Variants in FCRL2 observed in about 807,000 individuals in gnomAD.
FCRL2 encodes the protein Fc receptor-like protein 2.
FCRL2 carries 48 observed loss-of-function variants against 59.8 expected under a neutral mutation model. That is an observed-to-expected ratio of 0.80 (90% CI 0.64 to 1.02). The LOEUF is 1.02. FCRL2 is among the 50% of genes least tolerant of loss of function. The probability of loss-of-function intolerance (pLI) is 0.00; values close to 1 mark genes in which losing one functional copy is unlikely to be tolerated. For synonymous variants in FCRL2, 251 were observed against 229.5 expected (o/e 1.09, Z -0.85); for missense variants, 658 against 597.3 (o/e 1.10, Z -1.06).
chr1:157,766,800 A>G (rs751237954), intron 7 of FCRL2, 55 bp downstream of exon 7: 41 of 1,605,104 alleles, frequency 2.6e-5, no homozygotes, highest in South Asian at 2.3e-5. Context: ...TTCAATCTAT[A>G]TCAGTAGTGG....
intron 7 of FCRL2, among the ~76,000 whole-genome samples, chr1:157,760,704 A>AAAGAAATAAAGAAAG (rs1347014351): frequency 3.4e-5 from 3 of 89,012 alleles, no homozygotes; most frequent in African/African-American, 1.6e-4. Context: ...AGAAGGAAAG[A>AAAGAAATAAAGAAAG]AAGAAAGAAA....
chr1:157,761,611 C>G (rs569832654), intron 7 of FCRL2, among the ~76,000 whole-genome samples: 3 of 151,706 alleles, frequency 2.0e-5, no homozygotes, highest in Non-Finnish European at 4.4e-5. Flanking sequence ...CTTGTCTCCC[C>G]CAAAAGGCAC....
intron 10 of FCRL2, among the ~76,000 whole-genome samples, 196 bp downstream of exon 10, chr1:157,748,357 A>G (rs935665898): frequency 9.2e-5 from 14 of 152,144 alleles, no homozygotes; most frequent in African/African-American, 2.9e-4. Context: ...TCACAGGCAG[A>G]GATTGCAGTG....
At chr1:157,775,730 C>T (rs747534106) in intron 2 of FCRL2, 45 bp downstream of exon 2, 3 of 1,611,320 alleles carry the variant, frequency 1.9e-6, no homozygotes, top group African/African-American at 1.3e-5. Flanking sequence ...AGTGGGGTGA[C>T]TGATATGCCA....
chr1:157,768,352 A>T (rs2101740547), intron 5 of FCRL2, 62 bp downstream of exon 5: 1 of 1,546,868 alleles, frequency 6.5e-7, no homozygotes, highest in South Asian at 1.2e-5. Flanking sequence ...TCCTCAGGAC[A>T]CATGTGTATC....
intron 2 of FCRL2, among the ~76,000 whole-genome samples, chr1:157,773,178 C>G (rs1239391662): frequency 6.6e-6 from 1 of 152,216 alleles, no homozygotes; most frequent in East Asian, 1.9e-4. Flanking sequence ...GTTAATTGGA[C>G]TTTGCAAGCA....
intron 2 of FCRL2, among the ~76,000 whole-genome samples, chr1:157,771,425 C>T (rs1317502982): frequency 3.9e-5 from 6 of 152,138 alleles, no homozygotes; most frequent in East Asian, 1.9e-4. Context: ...CATCAAGTGG[C>T]GTAGATTATT....
At chr1:157,753,889 A>T (rs1648386156) in intron 7 of FCRL2, among the ~76,000 whole-genome samples, 1 of 152,184 alleles carries the variant, frequency 6.6e-6, no homozygotes, top group South Asian at 2.1e-4. Context: ...AGGGGTCAGG[A>T]ACTAGGGACA....
chr1:157,768,444 G>A lies in FCRL2; in HGVS notation c.853C>T (p.Gln285Ter), dbSNP rs1299587464. The change falls in exon 5 of 12, where the codon CAG (glutamine) becomes TAG (stop). Residue 285 changes from glutamine to a stop codon, truncating the protein, a stop_gained. Coordinates refer to ENST00000361516, the MANE Select transcript of FCRL2 (RefSeq NM_030764.4). LOFTEE classifies it high-confidence loss of function. ...ACAGGGATATTCACCACCTTGCTCTGGATAGGCACATGGCCGTTGTCAGCT... is the reference window on the plus strand; with the variant it reads ...ACAGGGATATTCACCACCTTGCTCTAGATAGGCACATGGCCGTTGTCAGCT... Reference protein sequence around the residue: ...CRADNGHVPIQSKVVNIPVRI... With the variant: ...CRADNGHVPI 1.2e-6 allele frequency: 2 copies of A among 1,614,160 alleles called. No individual in the cohort carries two copies. The highest frequency in any genetic ancestry group is 1.7e-6 in the Non-Finnish European group (2 of 1,180,026).
Position 157,769,854 on chromosome 1 carries a change from A to G in FCRL2, c.595+12T>C, listed in dbSNP as rs771498428. Reference sequence around the variant, plus strand: ...TCTTTTTTTCTCCAGGCTCAGCCTCACTGATACTTGCTCTGCACGTGAATC... The same window carrying G: ...TCTTTTTTTCTCCAGGCTCAGCCTCGCTGATACTTGCTCTGCACGTGAATC... On this transcript the variant is annotated intron_variant, in intron 4 of 11. Coordinates refer to ENST00000361516, the MANE Select transcript of FCRL2 (RefSeq NM_030764.4). 4.3e-6 allele frequency: 7 copies of G among 1,611,122 alleles called. No homozygotes were observed. In the Admixed American group the frequency reaches 6.7e-5, roughly 15 times the overall value.
chr1:157,763,471 G>A (rs1428877300), intron 7 of FCRL2, among the ~76,000 whole-genome samples: 1 of 152,012 alleles, frequency 6.6e-6, no homozygotes, highest in Non-Finnish European at 1.5e-5. Flanking sequence ...TTTGCAGGGA[G>A]CCAAGAACAC....
chr1:157,748,776 G>A, intron 9 of FCRL2, 99 bp downstream of exon 9: 1 of 1,221,664 alleles, frequency 8.2e-7, no homozygotes, highest in African/African-American at 1.5e-5. Flanking sequence ...TGGGCCTCTG[G>A]TGTTGGGGTG....
At chr1:157,763,938 G>A (rs1649297840) in intron 7 of FCRL2, among the ~76,000 whole-genome samples, 1 of 151,466 alleles carries the variant, frequency 6.6e-6, no homozygotes, top group African/African-American at 2.4e-5. Flanking sequence ...GCTGAGGCAG[G>A]AGGATGGAGT....
At chr1:157,770,998 C>T (rs1041939646) in intron 2 of FCRL2, among the ~76,000 whole-genome samples, 3 of 152,136 alleles carry the variant, frequency 2.0e-5, no homozygotes, top group Non-Finnish European at 2.9e-5. Flanking sequence ...GCCAACTTTT[C>T]GCTCTACCGT....
rs368296972 is a variant in FCRL2 at position 157,777,118 on chromosome 1, C to G, written c.-45G>C. ...TTGAAAAGAGATGTACTCTTGGTCA[C>G]CAACTGGAGACTCTGAGCAGGCGAT... On this transcript the variant is annotated 5_prime_UTR_variant, in exon 1 of 12. Transcript: ENST00000361516. 6.2e-7 allele frequency: 1 copy of G among 1,613,972 alleles called. No individual in the cohort carries two copies. The highest frequency in any genetic ancestry group is 8.5e-7 in the Non-Finnish European group (1 of 1,179,960).
At chr1:157,760,751 G>GAAAC in intron 7 of FCRL2, among the ~76,000 whole-genome samples, 1 of 147,384 alleles carries the variant, frequency 6.8e-6, no homozygotes, top group South Asian at 2.1e-4. Flanking sequence ...AAGAAAGAAA[G>GAAAC]AAAGAAGAAA....
chr1:157,746,545 A>G lies in FCRL2; in HGVS notation c.*191T>C. 5.0e-6 allele frequency: 3 copies of G among 605,518 alleles called. No homozygotes were observed. The highest frequency in any genetic ancestry group is 2.0e-5 in the South Asian group (1 of 49,364). The allele number at this position is 605,518 out of a possible 1,614,324, so 37.5% of individuals were successfully genotyped here. ...AGTGTCTGGATGTAGCAGCAGTTCA[A>G]TGAATATTGATAGGTAAAAGAAGAT... On this transcript the variant is annotated 3_prime_UTR_variant, in exon 12 of 12. Coordinates refer to ENST00000361516, the MANE Select transcript of FCRL2 (RefSeq NM_030764.4).
chr1:157,753,272 G>A (rs1289806503), intron 7 of FCRL2, among the ~76,000 whole-genome samples: 5 of 152,152 alleles, frequency 3.3e-5, no homozygotes, highest in Admixed American at 2.6e-4. Flanking sequence ...AGGTAAAGGG[G>A]TGTGTCCCAC....
chr1:157,770,725 C>T, intron 2 of FCRL2, 59 bp from the exon 3 acceptor site: 4 of 1,588,342 alleles, frequency 2.5e-6, no homozygotes, highest in Non-Finnish European at 3.4e-6. Context: ...AGACAGACTC[C>T]ATTGGCAGTG....
Sources: allele counts gnomAD v4.1 joint callset (sites outside exome capture counted in the v4.1 genomes callset), GRCh38; gene constraint gnomAD v4.1.1; transcripts MANE v1.5; gene names NCBI Gene and HGNC (gene_info 2026-07-23, HGNC 2026-07-21).